SBF2: variants seen among roughly 807,000 people sequenced by gnomAD.
SBF2 encodes SET binding factor 2.
Under a neutral mutation model 225.2 loss-of-function variants are expected in SBF2, and 112 were observed. That is an observed-to-expected ratio of 0.50 (90% confidence interval 0.43 to 0.58). The LOEUF is 0.58. Among genes scored for constraint, SBF2 ranks in the 20% least tolerant of loss-of-function variants. SBF2 has a pLI of 0.00. For missense variants in SBF2, 1,996 were observed against 2,206.2 expected (o/e 0.90, Z 1.91); for synonymous variants, 763 against 773.3 (o/e 0.99, Z 0.22).
intron 28 of SBF2, chr11:9,828,373 T>C: frequency 1.0e-6 from 1 of 985,434 alleles, no homozygotes; most frequent in Non-Finnish European, 1.2e-6. Context: ...AACAAGGCAA[T>C]GTTATTATTA....
At chr11:10,045,693 T>G (rs1949834261) in intron 2 of SBF2, among the ~76,000 whole-genome samples, 1 of 152,212 alleles carries the variant, frequency 6.6e-6, no homozygotes, top group African/African-American at 2.4e-5. Flanking sequence ...CACAAGTCTA[T>G]GCCCACAGCT....
At chr11:9,958,957 A>G in intron 16 of SBF2, 1 of 715,570 alleles carries the variant, frequency 1.4e-6, no homozygotes, top group East Asian at 2.5e-5. Context: ...GGGAATGTGG[A>G]TGTGGTACTG....
At chr11:9,887,181 A>G (rs1393367452) in intron 17 of SBF2, among the ~76,000 whole-genome samples, 2 of 151,970 alleles carry the variant, frequency 1.3e-5, no homozygotes, top group African/African-American at 4.8e-5. Context: ...ATTCAAAAAA[A>G]GTTGATAAGT....
chr11:10,172,350 CA>C (rs903546042), intron 2 of SBF2, among the ~76,000 whole-genome samples: 65 of 151,190 alleles, frequency 4.3e-4, no homozygotes, highest in African/African-American at 1.5e-3. Flanking sequence ...TTGTTTGTTT[CA>C]AAAAAAAATT....
intron 1 of SBF2, among the ~76,000 whole-genome samples, chr11:10,269,457 AAAGGAAG>A (rs1354585531): frequency 1.3e-5 from 2 of 152,232 alleles, no homozygotes; most frequent in Non-Finnish European, 2.9e-5. Flanking sequence ...CATGGTTCCC[AAAGGAAG>A]GGATGCCAGG....
chr11:10,207,044 C>T (rs1305661057), intron 1 of SBF2, among the ~76,000 whole-genome samples: 1 of 152,082 alleles, frequency 6.6e-6, no homozygotes, highest in African/African-American at 2.4e-5. Context: ...CACTAAGATA[C>T]ATCATAATTA....
chr11:10,228,955 T>G (rs1197065641), intron 1 of SBF2, among the ~76,000 whole-genome samples: 2 of 152,182 alleles, frequency 1.3e-5, no homozygotes, highest in African/African-American at 2.4e-5. Flanking sequence ...CCTGGACTTT[T>G]TTTTTTGGTT....
intron 32 of SBF2, among the ~76,000 whole-genome samples, chr11:9,796,245 G>C (rs1853116820): frequency 6.6e-6 from 1 of 152,004 alleles, no homozygotes; most frequent in African/African-American, 2.4e-5. Flanking sequence ...AATTGAGAAA[G>C]CATAGGATCA....
chr11:9,845,614 T>C lies in SBF2; in HGVS notation c.3061A>G (p.Thr1021Ala), dbSNP rs2133969715. Residue 1021 changes from threonine to alanine, a missense_variant, in exon 24 of 40, where the codon ACC becomes GCC. Thr to Ala is a moderately conservative substitution (Grantham distance 58, BLOSUM62 0). Transcript: ENST00000256190. ...TGTTTTGGTAAAATTATTTGTGGGGTAGTTTGTCCAGCAGCAAAAGCAAAG... is the reference window on the plus strand; with the variant it reads ...TGTTTTGGTAAAATTATTTGTGGGGCAGTTTGTCCAGCAGCAAAAGCAAAG... ...STFAFAAGQTTPQIILPKQKE... is the reference protein window; with the variant it reads ...STFAFAAGQTAPQIILPKQKE... The C allele has an allele frequency of 6.2e-7, 1 of 1,613,908 alleles. No individual in the cohort carries two copies. Among genetic ancestry groups the C allele is most frequent in the Non-Finnish European group, 8.5e-7 (1 of 1,179,810 alleles).
At position 10,198,050 on chromosome 11, in the gene SBF2, G is replaced by A. The variant is rs569776477; in HGVS notation, c.56-4063C>T. 2.0e-4 allele frequency among the ~76,000 whole-genome samples: 31 copies of A among 152,106 alleles called. No homozygotes were observed. The South Asian group carries it at 4.8e-3, about 23-fold the overall frequency. ...TGGAATCAACTTCTTCTAAGCTCCC[G>A]GTTAATAGGTTCATATTTTTACCTC... On this transcript the variant is annotated intron_variant, in intron 1 of 39. Transcript: ENST00000256190.
chr11:10,152,564 G>GAAGAA (rs958065706), intron 2 of SBF2, among the ~76,000 whole-genome samples: 1 of 151,274 alleles, frequency 6.6e-6, no homozygotes, highest in Non-Finnish European at 1.5e-5. Flanking sequence ...AAAAAAAGAA[G>GAAGAA]AAGAAAAGAA....
chr11:10,166,443 G>T (rs2028575), intron 2 of SBF2, among the ~76,000 whole-genome samples: 1 of 151,986 alleles, frequency 6.6e-6, no homozygotes, highest in Non-Finnish European at 1.5e-5. Flanking sequence ...ACTGTCAAGC[G>T]GGGGTGGGCA....
chr11:10,145,712 AC>A (rs1247775514), intron 2 of SBF2, among the ~76,000 whole-genome samples: 2 of 152,192 alleles, frequency 1.3e-5, no homozygotes, highest in Non-Finnish European at 2.9e-5. Context: ...ATACCCCATT[AC>A]AGCACCTGGT....
intron 32 of SBF2, among the ~76,000 whole-genome samples, chr11:9,803,421 G>T (rs1853603184): frequency 6.6e-6 from 1 of 152,082 alleles, no homozygotes; most frequent in Non-Finnish European, 1.5e-5. Context: ...CACTTAAGGG[G>T]TACTCACAGA....
chr11:10,218,211 T>A lies in SBF2; in HGVS notation c.56-24224A>T, dbSNP rs184149482. On this transcript the variant is annotated intron_variant, in intron 1 of 39. Transcript: ENST00000256190. ...CACAGTGCCCAGCCGCAAAGTCACA[T>A]CTTACATGACAGCAGGCAAGTGAGT... Among the ~76,000 whole-genome samples the A allele has an allele frequency of 3.4e-4, 52 of 152,114 alleles. No individual in the cohort carries two copies. In the East Asian group the frequency reaches 7.0e-3, roughly 20 times the overall value.
chr11:9,895,853 G>A, intron 17 of SBF2, 90 bp downstream of exon 17: 1 of 943,046 alleles, frequency 1.1e-6, no homozygotes, highest in Non-Finnish European at 1.7e-6. Flanking sequence ...CTACTAAGAG[G>A]ACAGGATTTT....
intron 1 of SBF2, among the ~76,000 whole-genome samples, chr11:10,225,130 G>A (rs562763543): frequency 1.2e-4 from 19 of 152,024 alleles, no homozygotes; most frequent in Admixed American, 9.8e-4. Flanking sequence ...CATTCCCTTC[G>A]TTGTCCCTGA....
chr11:9,849,990 A>T, intron 22 of SBF2, 33 bp downstream of exon 22: 3 of 1,584,602 alleles, frequency 1.9e-6, no homozygotes, highest in Non-Finnish European at 2.6e-6. Context: ...TACCACACAG[A>T]TACCCATGTT....
At chr11:9,978,486 A>G (rs1184868282) in intron 13 of SBF2, among the ~76,000 whole-genome samples, 2 of 152,172 alleles carry the variant, frequency 1.3e-5, no homozygotes, top group Non-Finnish European at 2.9e-5. Flanking sequence ...TTGTGAAAAA[A>G]ATTTCCAATA....
Sources: allele counts gnomAD v4.1 joint callset (sites outside exome capture counted in the v4.1 genomes callset), GRCh38; gene constraint gnomAD v4.1.1; transcripts MANE v1.5; gene names NCBI Gene and HGNC (gene_info 2026-07-23, HGNC 2026-07-21).